The following PHACTR1 variants were observed in gnomAD, a reference collection of about 807,000 sequenced individuals.
The protein encoded by PHACTR1 is phosphatase and actin regulator 1, also known as RPEL repeat containing 1.
PHACTR1 carries 16 observed loss-of-function variants against 69.2 expected under a neutral mutation model. The ratio of observed to expected loss-of-function variants is 0.23; its 90% CI spans 0.16 to 0.35. PHACTR1 has a LOEUF of 0.35. Ranked by LOEUF, PHACTR1 falls within the 10% of genes least tolerant of loss-of-function variation. The pLI is 1.00. For missense variants in PHACTR1, 510 were observed against 734.7 expected (o/e 0.69, Z 3.54); for synonymous variants, 312 against 284.5 (o/e 1.10, Z -0.97).
intron 5 of PHACTR1, among the ~76,000 whole-genome samples, chr6:13,156,805 G>A (rs1237908522): frequency 6.6e-6 from 1 of 151,986 alleles, no homozygotes; most frequent in Non-Finnish European, 1.5e-5. Context: ...ATCCTCCTTG[G>A]CCTTTCTCTT....
At chr6:12,941,955 T>A (rs1357576264) in intron 4 of PHACTR1, among the ~76,000 whole-genome samples, 1 of 152,160 alleles carries the variant, frequency 6.6e-6, no homozygotes, top group Non-Finnish European at 1.5e-5. Context: ...ATATTTCCTT[T>A]TGGAGAAGCT....
rs530741132 is a variant in PHACTR1 at position 13,177,172 on chromosome 6, T to TAAAAAAAA, written c.497-5323_497-5316dup. On this transcript the variant is annotated intron_variant, in intron 6 of 14. Coordinates refer to ENST00000332995, the MANE Select transcript of PHACTR1 (RefSeq NM_030948.6). The stretch of plus-strand genomic sequence containing the variant: ...TGGCAAAATAGCAAGACCCCATCTC[T>TAAAAAAAA]AAAAAAAAAAAAAAAAAAAAAAAAA... 7.6e-4 allele frequency among the ~76,000 whole-genome samples: 48 copies of TAAAAAAAA among 63,364 alleles called. 1 individual carries two copies. The highest frequency in any genetic ancestry group is 2.5e-3 in the East Asian group (4 of 1,598). The allele number at this position is 63,364 out of a possible 152,430, so 41.6% of individuals were successfully genotyped here. A position where few individuals can be genotyped will look rare whatever the true frequency, so the allele number is the denominator to read the frequency against.
intron 4 of PHACTR1, among the ~76,000 whole-genome samples, chr6:13,043,495 G>A (rs1804526625): frequency 6.6e-6 from 1 of 152,180 alleles, no homozygotes; most frequent in Non-Finnish European, 1.5e-5. Flanking sequence ...TATAGGACAA[G>A]GGTTAACAAG....
chr6:13,221,403 T>G (rs540273626), intron 8 of PHACTR1, among the ~76,000 whole-genome samples: 113 of 124,592 alleles, frequency 9.1e-4, no homozygotes, highest in Admixed American at 2.0e-3. Flanking sequence ...CAGACCAGTT[T>G]GACAGCAGAA....
intron 5 of PHACTR1, among the ~76,000 whole-genome samples, chr6:13,137,103 T>C (rs945494053): frequency 6.6e-6 from 1 of 152,244 alleles, no homozygotes; most frequent in African/African-American, 2.4e-5. Context: ...AATGCTGTCT[T>C]CTAAGCACTA....
At chr6:12,972,068 T>G (rs1794281270) in intron 4 of PHACTR1, among the ~76,000 whole-genome samples, 1 of 152,222 alleles carries the variant, frequency 6.6e-6, no homozygotes, top group South Asian at 2.1e-4. Flanking sequence ...AACCTACCGA[T>G]ACCTTTTACT....
At chr6:12,861,684 G>T (rs958284819) in intron 4 of PHACTR1, among the ~76,000 whole-genome samples, 5 of 152,142 alleles carry the variant, frequency 3.3e-5, no homozygotes, top group African/African-American at 1.2e-4. Context: ...TGTCTTTTCA[G>T]TTCTTTTCTT....
chr6:13,239,282 A>G (rs1284048952), intron 10 of PHACTR1, among the ~76,000 whole-genome samples: 2 of 152,186 alleles, frequency 1.3e-5, no homozygotes, highest in Non-Finnish European at 2.9e-5. Flanking sequence ...GCATAACTTG[A>G]ATGTATTTAT....
chr6:13,240,302 C>T (rs1475017656), intron 10 of PHACTR1, among the ~76,000 whole-genome samples: 2 of 152,216 alleles, frequency 1.3e-5, no homozygotes, highest in Middle Eastern at 3.4e-3. Flanking sequence ...CTGTTTATTA[C>T]TCACAGCAAC....
intron 3 of PHACTR1, among the ~76,000 whole-genome samples, chr6:12,728,622 G>A (rs1042009356): frequency 5.3e-5 from 8 of 152,030 alleles, no homozygotes; most frequent in African/African-American, 1.7e-4. Context: ...GCAAATGACA[G>A]TAATAAGAAT....
chr6:13,229,482 CCACTCCCACCCCCAA>C (rs988550651), intron 9 of PHACTR1, among the ~76,000 whole-genome samples: 11 of 152,170 alleles, frequency 7.2e-5, no homozygotes, highest in African/African-American at 2.7e-4. Context: ...GCCCTCACCT[CCACTCCCACCCCCAA>C]CCAGCCCCAC....
intron 4 of PHACTR1, among the ~76,000 whole-genome samples, chr6:12,897,734 C>CT (rs1784809558): frequency 8.8e-6 from 1 of 113,500 alleles, no homozygotes; most frequent in Admixed American, 8.7e-5. Context: ...TATTATTATA[C>CT]TTTAAGTTCT....
Position 12,985,537 on chromosome 6 carries a change from AAAAAATAT to A in PHACTR1, c.251-67826_251-67819del, listed in dbSNP as rs896421910. Among the ~76,000 whole-genome samples the A allele has an allele frequency of 2.3e-4, 32 of 137,052 alleles. No individual in the cohort carries two copies. In the South Asian group the frequency reaches 6.0e-3, roughly 26 times the overall value. 89.9% of individuals were successfully genotyped at this position (137,052 alleles called of 152,430 possible). A position where few individuals can be genotyped will look rare whatever the true frequency, so the allele number is the denominator to read the frequency against. On this transcript the variant is annotated intron_variant, in intron 4 of 14. Coordinates refer to ENST00000332995, the MANE Select transcript of PHACTR1 (RefSeq NM_030948.6). ...GTAAAGTACTACAAATTAAAAAAAA[AAAAAATAT>A]ATATATATATATATATACACAGAGA... is the stretch of plus-strand genomic sequence containing the variant.
At chr6:13,259,463 T>C (rs1775620755) in intron 10 of PHACTR1, among the ~76,000 whole-genome samples, 2 of 152,226 alleles carry the variant, frequency 1.3e-5, no homozygotes, top group South Asian at 2.1e-4. Context: ...ACTGGGGTCA[T>C]AGCCTCCAGA....
chr6:13,071,130 A>G (rs1331903002), intron 5 of PHACTR1, among the ~76,000 whole-genome samples: 1 of 152,104 alleles, frequency 6.6e-6, no homozygotes, highest in Non-Finnish European at 1.5e-5. Context: ...TCATCGCATG[A>G]ATGAAAGAAA....
chr6:13,073,101 T>G (rs191358279), intron 5 of PHACTR1, among the ~76,000 whole-genome samples: 79 of 152,044 alleles, frequency 5.2e-4, no homozygotes, highest in African/African-American at 1.8e-3. Context: ...CCTATCAGAA[T>G]AACTGAAGTT....
chr6:12,802,286 TTC>T (rs113167671), intron 4 of PHACTR1, among the ~76,000 whole-genome samples: 56,243 of 151,378 alleles, frequency 0.37, 11,235 homozygotes, highest in African/African-American at 0.5. Context: ...AAACAATTAT[TTC>T]TTAGTTCTTA....
chr6:13,030,342 G>C (rs1802279311), intron 4 of PHACTR1, among the ~76,000 whole-genome samples: 2 of 152,218 alleles, frequency 1.3e-5, no homozygotes, highest in African/African-American at 4.8e-5. Context: ...AACTTACACA[G>C]AGTTTCCTGT....
chr6:13,085,749 G>A (rs1812170453), intron 5 of PHACTR1, among the ~76,000 whole-genome samples: 1 of 151,772 alleles, frequency 6.6e-6, no homozygotes. Context: ...TCATAGATTT[G>A]GAAATTTAAA....
Sources: allele counts gnomAD v4.1 joint callset (sites outside exome capture counted in the v4.1 genomes callset), GRCh38; gene constraint gnomAD v4.1.1; transcripts MANE v1.5; gene names NCBI Gene and HGNC (gene_info 2026-07-23, HGNC 2026-07-21).